Variants in ANKRD30B observed in about 807,000 individuals in gnomAD.
ANKRD30B encodes ankyrin repeat domain-containing protein 30B.
ANKRD30B carries 144 observed loss-of-function variants against 202.2 expected under a neutral mutation model. That is an observed-to-expected ratio of 0.71 (90% CI 0.62 to 0.82). ANKRD30B has a LOEUF of 0.82. Ranked by LOEUF, ANKRD30B falls within the 40% of genes least tolerant of loss-of-function variation. ANKRD30B has a pLI of 0.00. For missense variants in ANKRD30B, 1,487 were observed against 1,669.1 expected (o/e 0.89, Z 1.90); for synonymous variants, 508 against 561.3 (o/e 0.91, Z 1.34).
the ANKRD30B span, among the ~76,000 whole-genome samples, chr18:14,898,307 A>G: frequency 5.9e-5 from 9 of 152,160 alleles, no homozygotes; most frequent in African/African-American, 1.9e-4. Flanking sequence ...GGGGAGGTTC[A>G]GGATGAAACT....
intron 39 of ANKRD30B, among the ~76,000 whole-genome samples, chr18:14,843,730 C>A (rs1971519463): frequency 6.6e-6 from 1 of 152,022 alleles, no homozygotes. Context: ...GGAGGCGGAG[C>A]TTGCAGTGAG....
downstream of ANKRD30B, among the ~76,000 whole-genome samples, chr18:14,856,453 G>C (rs1473813144): frequency 6.8e-6 from 1 of 146,672 alleles, no homozygotes; most frequent in African/African-American, 2.5e-5. Context: ...TCAACTGCCA[G>C]ACCGGGCGGC....
chr18:14,800,354 T>C (rs1328871589), intron 22 of ANKRD30B, among the ~76,000 whole-genome samples: 1 of 150,420 alleles, frequency 6.6e-6, no homozygotes, highest in African/African-American at 2.5e-5. Flanking sequence ...CTCGCCCATC[T>C]CGTTGTCTTG....
intron 32 of ANKRD30B, among the ~76,000 whole-genome samples, chr18:14,827,002 A>G (rs1350584214): frequency 6.6e-6 from 1 of 152,050 alleles, no homozygotes; most frequent in East Asian, 1.9e-4. Flanking sequence ...TTTTCTTGTG[A>G]TGACTGTGAG....
intron 24 of ANKRD30B, among the ~76,000 whole-genome samples, chr18:14,807,061 G>C (rs1969567609): frequency 6.6e-6 from 1 of 150,952 alleles, no homozygotes; most frequent in Admixed American, 6.6e-5. Context: ...TGCATATTTA[G>C]CCTTAAAATG....
At chr18:14,771,923 T>C (rs375118716) in intron 8 of ANKRD30B, among the ~76,000 whole-genome samples, 1 of 152,194 alleles carries the variant, frequency 6.6e-6, no homozygotes, top group South Asian at 2.1e-4. Context: ...CTTTATTGTA[T>C]GTTTTAGGTT....
At chr18:14,753,670 G>A (rs745478204) in intron 3 of ANKRD30B, among the ~76,000 whole-genome samples, 4 of 151,898 alleles carry the variant, frequency 2.6e-5, no homozygotes, top group Non-Finnish European at 1.5e-5. Context: ...CTAGAATTTC[G>A]AAGACTTTTT....
At chr18:14,919,117 G>A in the ANKRD30B span, among the ~76,000 whole-genome samples, 1 of 152,150 alleles carries the variant, frequency 6.6e-6, no homozygotes, top group Admixed American at 6.5e-5. Context: ...AAATGCACTA[G>A]GTCACCATCC....
At chr18:14,824,233 A>G (rs531642565) in intron 32 of ANKRD30B, among the ~76,000 whole-genome samples, 41 of 152,310 alleles carry the variant, frequency 2.7e-4, no homozygotes, top group Admixed American at 2.4e-3. Context: ...TTTCATAGCC[A>G]CTGAAAGTCA....
chr18:14,899,171 A>G, the ANKRD30B span, among the ~76,000 whole-genome samples: 119 of 152,290 alleles, frequency 7.8e-4, 3 homozygotes, highest in East Asian at 0.021. Flanking sequence ...TTTCAAGGTT[A>G]TATTATAAAG....
At chr18:14,749,785 A>G (rs1298970638) in intron 1 of ANKRD30B, among the ~76,000 whole-genome samples, 1 of 151,708 alleles carries the variant, frequency 6.6e-6, no homozygotes, top group Non-Finnish European at 1.5e-5. Context: ...AAACATATGT[A>G]AGAATTTAGA....
intron 16 of ANKRD30B, among the ~76,000 whole-genome samples, chr18:14,795,898 A>C (rs909883538): frequency 2.0e-5 from 3 of 151,512 alleles, no homozygotes; most frequent in Non-Finnish European, 4.4e-5. Context: ...TCATCTTAGT[A>C]AATTCAACTT....
intron 16 of ANKRD30B, among the ~76,000 whole-genome samples, chr18:14,792,444 G>T (rs1451655297): frequency 6.6e-6 from 1 of 152,106 alleles, no homozygotes; most frequent in African/African-American, 2.4e-5. Flanking sequence ...AAAGGAAAGA[G>T]TGTGTGTTGA....
At chr18:14,838,432 G>A (rs1257807952) in intron 36 of ANKRD30B, among the ~76,000 whole-genome samples, 2 of 152,168 alleles carry the variant, frequency 1.3e-5, no homozygotes, top group Non-Finnish European at 2.9e-5. Context: ...GAACATTTCA[G>A]GAGTTGGATA....
chr18:14,753,990 A>G (rs1913916348), intron 3 of ANKRD30B, among the ~76,000 whole-genome samples: 1 of 152,208 alleles, frequency 6.6e-6, no homozygotes, highest in Admixed American at 6.5e-5. Context: ...TTAAAGAAGT[A>G]GATATGCATT....
At chr18:14,921,453 G>A in the ANKRD30B span, among the ~76,000 whole-genome samples, 1 of 152,154 alleles carries the variant, frequency 6.6e-6, no homozygotes, top group South Asian at 2.1e-4. Flanking sequence ...GCTTCTGTGA[G>A]CAGGAGACAC....
intron 34 of ANKRD30B, among the ~76,000 whole-genome samples, chr18:14,836,926 T>C (rs1408316754): frequency 6.6e-6 from 1 of 152,160 alleles, no homozygotes. Context: ...CTTTGTGCCC[T>C]TATGTATTTT....
Position 14,797,776 on chromosome 18 carries a change from A to G in ANKRD30B, c.1957-6A>G. ...TATTAATTTTTGTGTTTCCGAACCC[A>G]TTTAGCCTACCTGTGGAAGGAAAGT... On this transcript the variant is annotated splice_polypyrimidine_tract_variant and splice_region_variant and intron_variant, in intron 19 of 43. Coordinates refer to ENST00000690538, the MANE Select transcript of ANKRD30B (RefSeq NM_001367607.2). 5.7e-6 allele frequency: 9 copies of G among 1,569,970 alleles called. No individual in the cohort carries two copies. Among genetic ancestry groups the G allele is most frequent in the Non-Finnish European group, 7.8e-6 (9 of 1,156,442 alleles).
At chr18:14,797,515 A>G (rs1968994751) in intron 18 of ANKRD30B, 146 bp from the exon 19 acceptor site, 1 of 898,592 alleles carries the variant, frequency 1.1e-6, no homozygotes, top group Non-Finnish European at 1.8e-6. Flanking sequence ...GTTAACAAAT[A>G]CAATAACCCA....
Sources: gnomAD v4.1 joint callset for allele counts (sites outside exome capture counted in the v4.1 genomes callset) on GRCh38, gnomAD v4.1.1 for gene constraint, MANE v1.5 for transcripts, NCBI Gene and HGNC (gene_info 2026-07-23, HGNC 2026-07-21) for gene names.